The following MCF2L2 variants were observed in gnomAD, a reference collection of about 807,000 sequenced individuals.
MCF2L2 encodes probable guanine nucleotide exchange factor MCF2L2.
MCF2L2 carries 102 observed loss-of-function variants against 150.2 expected under a neutral mutation model. The observed-to-expected ratio is 0.68, with a 90% CI of 0.58 to 0.80. MCF2L2 has a LOEUF of 0.80. Ranked by LOEUF, MCF2L2 falls within the 30% of genes least tolerant of loss-of-function variation. The pLI is 0.00. For synonymous variants in MCF2L2, 465 were observed against 491.3 expected (o/e 0.95, Z 0.71); for missense variants, 1,256 against 1,372.8 (o/e 0.91, Z 1.34).
Position 183,178,066 on chromosome 3 carries a change from A to G in MCF2L2, c.*1314T>C, listed in dbSNP as rs942624131. ...TTCATGAACTTCCAGTGAGTGTTTA[A>G]TAGTCAAATAAGTTACTGTAAAAAT... On this transcript the variant is annotated 3_prime_UTR_variant, in exon 30 of 30. Coordinates refer to ENST00000328913, the MANE Select transcript of MCF2L2 (RefSeq NM_015078.4). 9 of 152,368 alleles carry G rather than the reference A, an allele frequency of 5.9e-5. No individual in the cohort carries two copies. The highest frequency in any genetic ancestry group is 4.6e-4 in the Admixed American group (7 of 15,302). The allele number at this position is 152,368 out of a possible 1,614,324, so 9.4% of individuals were successfully genotyped here.
chr3:183,378,788 C>G (rs924345578), intron 3 of MCF2L2: 1 of 151,048 alleles, frequency 6.6e-6, no homozygotes, highest in Non-Finnish European at 1.5e-5. Flanking sequence ...GAGGCCGAGG[C>G]AGGCGGATTA....
intron 21 of MCF2L2, among the ~76,000 whole-genome samples, chr3:183,216,960 C>T (rs1722966709): frequency 6.6e-6 from 1 of 151,338 alleles, no homozygotes. Context: ...ATAGGCTTCT[C>T]TCTCTTTTAT....
At chr3:183,314,734 T>TA (rs1397098535) in intron 7 of MCF2L2, among the ~76,000 whole-genome samples, 7 of 150,894 alleles carry the variant, frequency 4.6e-5, no homozygotes, top group African/African-American at 1.7e-4. Context: ...GAATGAATCT[T>TA]ATAATAGTTT....
At chr3:183,314,372 T>C (rs185297057) in intron 7 of MCF2L2, among the ~76,000 whole-genome samples, 87 of 152,300 alleles carry the variant, frequency 5.7e-4, no homozygotes, top group Middle Eastern at 6.8e-3. Flanking sequence ...TTTTTTTCTG[T>C]GTGAACATAC....
At chr3:183,317,974 G>T in intron 7 of MCF2L2, 94 bp downstream of exon 7, 1 of 1,460,924 alleles carries the variant, frequency 6.8e-7, no homozygotes, top group South Asian at 1.2e-5. Context: ...GGAAAACGAG[G>T]GCTTAACTGT....
At chr3:183,318,033 A>G (rs563265770) in intron 7 of MCF2L2, 35 bp downstream of exon 7, 1 of 1,606,692 alleles carries the variant, frequency 6.2e-7, no homozygotes, top group Non-Finnish European at 8.5e-7. Context: ...CTGCTGGCAC[A>G]GACACTGGCC....
At chr3:183,183,376 C>T (rs1721594205) in intron 27 of MCF2L2, among the ~76,000 whole-genome samples, 1 of 152,210 alleles carries the variant, frequency 6.6e-6, no homozygotes, top group South Asian at 2.1e-4. Context: ...CTCTGAGGCC[C>T]TAAGAGTCTT....
intron 3 of MCF2L2, among the ~76,000 whole-genome samples, chr3:183,369,432 C>T (rs73062727): frequency 0.32 from 48,245 of 152,078 alleles, 11,733 homozygotes; most frequent in African/African-American, 0.68. Context: ...CCCTTTTTGA[C>T]ATCAGAGGGC....
At chr3:183,182,315 G>C (rs1372033916) in intron 27 of MCF2L2, among the ~76,000 whole-genome samples, 1 of 151,382 alleles carries the variant, frequency 6.6e-6, no homozygotes, top group Non-Finnish European at 1.5e-5. Flanking sequence ...CAGGAGCTCC[G>C]GGTGCCACAG....
At chr3:183,403,337 C>T (rs1337672651) in intron 1 of MCF2L2, among the ~76,000 whole-genome samples, 2 of 152,138 alleles carry the variant, frequency 1.3e-5, no homozygotes, top group Non-Finnish European at 2.9e-5. Flanking sequence ...TAGCGCTCAC[C>T]GTTTGTGGAA....
At chr3:183,313,906 T>A (rs1729488207) in intron 7 of MCF2L2, among the ~76,000 whole-genome samples, 1 of 152,154 alleles carries the variant, frequency 6.6e-6, no homozygotes, top group Non-Finnish European at 1.5e-5. Flanking sequence ...TGGAACAGGA[T>A]CCAACTGGCA....
At chr3:183,352,303 ATC>A (rs1329355038) in intron 3 of MCF2L2, among the ~76,000 whole-genome samples, 2 of 151,984 alleles carry the variant, frequency 1.3e-5, no homozygotes, top group Non-Finnish European at 2.9e-5. Flanking sequence ...CGGGCAGATC[ATC>A]TGAGGTCAGG....
intron 1 of MCF2L2, among the ~76,000 whole-genome samples, chr3:183,408,255 C>T (rs1445095442): frequency 6.6e-6 from 1 of 152,166 alleles, no homozygotes; most frequent in Non-Finnish European, 1.5e-5. Context: ...CAACATCAGC[C>T]CAACAATGAA....
intron 15 of MCF2L2, 182 bp from the exon 16 acceptor site, chr3:183,231,199 A>C: frequency 1.5e-6 from 1 of 682,636 alleles, no homozygotes; most frequent in Non-Finnish European, 2.7e-6. Flanking sequence ...TCACAAACGC[A>C]CACTGTGATC....
chr3:183,221,167 C>A (rs987526240), intron 20 of MCF2L2, among the ~76,000 whole-genome samples: 2 of 152,200 alleles, frequency 1.3e-5, no homozygotes, highest in Admixed American at 6.5e-5. Flanking sequence ...GTTTCACAGG[C>A]ACCAGCAAGC....
At chr3:183,280,394 GA>G (rs1560400066) in intron 14 of MCF2L2, among the ~76,000 whole-genome samples, 11 of 151,798 alleles carry the variant, frequency 7.2e-5, no homozygotes, top group Non-Finnish European at 4.4e-5. Context: ...CCCAATAGCT[GA>G]TTTTCAATCG....
intron 3 of MCF2L2, among the ~76,000 whole-genome samples, chr3:183,358,860 T>C (rs1254812382): frequency 6.6e-6 from 1 of 152,084 alleles, no homozygotes; most frequent in East Asian, 1.9e-4. Flanking sequence ...CCTCAAGTAA[T>C]CCTTCTGCCT....
Position 183,341,560 on chromosome 3 carries a change from C to G in MCF2L2, c.346G>C (p.Ala116Pro). ...RRRDKWSSVK[A>P]SLTRIAVAFP... ...TTTACAGCTATTCGTGTCAAGGATG[C>G]CTTTACGGAGCTCCACTTGTCTCTT... The change falls in exon 4 of 30, where the codon GCA becomes CCA. Residue 116 changes from alanine to proline, a missense_variant. Ala to Pro is a conservative substitution (Grantham distance 27). Transcript: ENST00000328913. The G allele has an allele frequency of 6.2e-7, 1 of 1,613,290 alleles. No individual in the cohort carries two copies. Among genetic ancestry groups the G allele is most frequent in the Non-Finnish European group, 8.5e-7 (1 of 1,179,242 alleles).
At chr3:183,273,863 C>T (rs78622977) in intron 15 of MCF2L2, among the ~76,000 whole-genome samples, 3,911 of 152,240 alleles carry the variant, frequency 0.026, 173 homozygotes, top group African/African-American at 0.087. Flanking sequence ...TAGGCTATTC[C>T]ATCTAGGTTC....
Sources: allele counts gnomAD v4.1 joint callset (sites outside exome capture counted in the v4.1 genomes callset), GRCh38; gene constraint gnomAD v4.1.1; transcripts MANE v1.5; gene names NCBI Gene and HGNC (gene_info 2026-07-23, HGNC 2026-07-21).